The following MEGF11 variants were observed in gnomAD, a reference collection of about 807,000 sequenced individuals.
MEGF11 encodes the protein multiple epidermal growth factor-like domains protein 11.
MEGF11 carries 126 observed loss-of-function variants against 146.6 expected under a neutral mutation model. The ratio of observed to expected loss-of-function variants is 0.86; its 90% confidence interval spans 0.74 to 1.00. The LOEUF is 1.00. MEGF11 is among the 50% of genes least tolerant of loss of function. MEGF11 has a pLI of 0.00. For missense variants in MEGF11, 1,509 were observed against 1,521.2 expected (o/e 0.99, Z 0.13); for synonymous variants, 532 against 583.4 (o/e 0.91, Z 1.27).
At chr15:65,976,793 T>C (rs2081462814) in intron 7 of MEGF11, among the ~76,000 whole-genome samples, 1 of 152,170 alleles carries the variant, frequency 6.6e-6, no homozygotes, top group Non-Finnish European at 1.5e-5. Context: ...GGTGATATTT[T>C]CTGTTCCTCT....
At chr15:65,980,298 G>T (rs2081587475) in intron 7 of MEGF11, among the ~76,000 whole-genome samples, 1 of 151,816 alleles carries the variant, frequency 6.6e-6, no homozygotes, top group Non-Finnish European at 1.5e-5. Context: ...GCAGACCTGG[G>T]ATTCAAAGCT....
intron 10 of MEGF11, among the ~76,000 whole-genome samples, chr15:65,938,986 T>C (rs1243850690): frequency 6.6e-6 from 1 of 152,218 alleles, no homozygotes; most frequent in African/African-American, 2.4e-5. Context: ...TTCCTTGCAA[T>C]GGACAGGAGG....
intron 4 of MEGF11, among the ~76,000 whole-genome samples, chr15:66,118,791 A>G (rs2087860831): frequency 6.6e-6 from 1 of 152,162 alleles, no homozygotes; most frequent in East Asian, 1.9e-4. Context: ...TGCTTCTCAG[A>G]GTGCCCACTC....
rs181191428 is a variant in MEGF11 at position 66,228,962 on chromosome 15, G to A, written c.-9+24643C>T. On this transcript the variant is annotated intron_variant, in intron 1 of 25. Coordinates refer to ENST00000395614, the MANE Select transcript of MEGF11 (RefSeq NM_001385028.1). Reference sequence around the variant, plus strand: ...TACACAGCGCCCTCTCCAAGTCCCTGCAGACCTGGCGGTGGTAACTGCTCC... The same window carrying A: ...TACACAGCGCCCTCTCCAAGTCCCTACAGACCTGGCGGTGGTAACTGCTCC... Among the ~76,000 whole-genome samples, 299 of 152,270 alleles carry A rather than the reference G, an allele frequency of 2.0e-3. 4 individuals carry two copies. The highest frequency in any genetic ancestry group is 6.9e-3 in the African/African-American group (285 of 41,546).
chr15:66,154,293 A>G (rs1597124787), intron 1 of MEGF11, among the ~76,000 whole-genome samples: 2 of 85,726 alleles, frequency 2.3e-5, no homozygotes, highest in Non-Finnish European at 5.1e-5. Flanking sequence ...TCCCTCCCCA[A>G]CCTCGCGCTC....
chr15:66,124,951 T>C (rs1358838423), intron 2 of MEGF11, among the ~76,000 whole-genome samples: 3 of 152,382 alleles, frequency 2.0e-5, no homozygotes, highest in African/African-American at 7.2e-5. Context: ...TTCAGTGTTT[T>C]TCCCAGAAGG....
In MEGF11 at chr15:65,897,828, C is replaced by G; in HGVS notation, c.*106G>C. On this transcript the variant is annotated 3_prime_UTR_variant, in exon 26 of 26. Coordinates refer to ENST00000395614, the MANE Select transcript of MEGF11 (RefSeq NM_001385028.1). The stretch of plus-strand genomic sequence containing the variant: ...AGTTCCAGGTGAACGTAATAACTAA[C>G]ATGCAGCTGGAGCCAGTCTGTACCA... 1.9e-6 allele frequency: 2 copies of G among 1,040,418 alleles called. No individual in the cohort carries two copies. Among genetic ancestry groups the G allele is most frequent in the East Asian group, 5.2e-5 (2 of 38,232 alleles). 64.4% of individuals were successfully genotyped at this position (1,040,418 alleles called of 1,614,324 possible).
intron 1 of MEGF11, among the ~76,000 whole-genome samples, chr15:66,168,235 A>T (rs1392197949): frequency 6.6e-6 from 1 of 151,848 alleles, no homozygotes; most frequent in Non-Finnish European, 1.5e-5. Flanking sequence ...TTGCACATGC[A>T]CTTCCCTCTG....
chr15:66,009,752 C>T (rs985543981), intron 5 of MEGF11, among the ~76,000 whole-genome samples: 1 of 152,022 alleles, frequency 6.6e-6, no homozygotes, highest in Non-Finnish European at 1.5e-5. Context: ...GCCAACGTGC[C>T]TGGCTAATTT....
intron 1 of MEGF11, among the ~76,000 whole-genome samples, chr15:66,135,057 C>A (rs530249638): frequency 6.6e-6 from 1 of 152,198 alleles, no homozygotes; most frequent in Non-Finnish European, 1.5e-5. Flanking sequence ...GAGTGTTTCA[C>A]GTCTTGCACA....
chr15:65,953,879 C>T (rs140948804), intron 10 of MEGF11, among the ~76,000 whole-genome samples: 40 of 152,250 alleles, frequency 2.6e-4, no homozygotes, highest in African/African-American at 9.1e-4. Context: ...ACTTCATCAG[C>T]ACTCCTCACG....
chr15:66,135,433 GGCCCTGCCCCAA>G (rs956694915), intron 1 of MEGF11, among the ~76,000 whole-genome samples: 14 of 152,200 alleles, frequency 9.2e-5, no homozygotes, highest in African/African-American at 3.4e-4. Context: ...ACTCAGGCGG[GGCCCTGCCCCAA>G]GCCCCTGAAC....
intron 23 of MEGF11, among the ~76,000 whole-genome samples, chr15:65,906,974 C>T (rs907183378): frequency 1.1e-4 from 17 of 152,130 alleles, no homozygotes; most frequent in African/African-American, 3.6e-4. Flanking sequence ...GCTGGTGATC[C>T]CAGAAAAGAA....
At chr15:65,931,956 T>A (rs2141314038) in intron 10 of MEGF11, among the ~76,000 whole-genome samples, 1 of 152,360 alleles carries the variant, frequency 6.6e-6, no homozygotes, top group Non-Finnish European at 1.5e-5. Flanking sequence ...ACCCAGTTGC[T>A]CCTTGCTGGA....
At chr15:66,134,461 C>T (rs934248987) in intron 1 of MEGF11, among the ~76,000 whole-genome samples, 2 of 152,196 alleles carry the variant, frequency 1.3e-5, no homozygotes, top group African/African-American at 2.4e-5. Context: ...CCTGCCTGGC[C>T]CCTCCCCACC....
chr15:65,901,980 T>C (rs557222092), intron 24 of MEGF11: 1 of 152,164 alleles, frequency 6.6e-6, no homozygotes, highest in African/African-American at 2.4e-5. Flanking sequence ...TTTCCCTCAC[T>C]ACGTGTCTTG....
rs560828003 is a variant in MEGF11, at chr15:65,960,449, G to A, written c.1113-2728C>T. ...CCTGCGTGGGTATCGTGGGGAAGGC[G>A]TGCCCCTTGGTGGCCCTGACGCTCT... On this transcript the variant is annotated intron_variant, in intron 9 of 25. Transcript: ENST00000395614. Among the ~76,000 whole-genome samples the A allele has an allele frequency of 2.0e-4, 30 of 152,350 alleles. No homozygotes were observed. In the East Asian group the frequency reaches 4.2e-3, roughly 22 times the overall value.
At chr15:66,122,486 T>G (rs1205807882) in intron 3 of MEGF11, among the ~76,000 whole-genome samples, 1 of 152,214 alleles carries the variant, frequency 6.6e-6, no homozygotes, top group Non-Finnish European at 1.5e-5. Flanking sequence ...GCATGATTCC[T>G]GAATTATCCT....
chr15:66,175,946 T>C (rs1466732830), intron 1 of MEGF11, among the ~76,000 whole-genome samples: 3 of 152,146 alleles, frequency 2.0e-5, no homozygotes, highest in African/African-American at 4.8e-5. Context: ...CCAGAATATA[T>C]AAGGCACTCA....
Sources: gnomAD v4.1 joint callset for allele counts (sites outside exome capture counted in the v4.1 genomes callset) on GRCh38, gnomAD v4.1.1 for gene constraint, MANE v1.5 for transcripts, NCBI Gene and HGNC (gene_info 2026-07-23, HGNC 2026-07-21) for gene names.